The following NT5DC1 variants were observed in gnomAD, a reference collection of about 807,000 sequenced individuals.
NT5DC1 encodes 5'-nucleotidase domain containing 1.
A neutral mutation model predicts 59.4 loss-of-function variants in NT5DC1; 42 were observed. That is an observed-to-expected ratio of 0.71 (90% CI 0.55 to 0.92). The LOEUF (loss-of-function observed/expected upper bound fraction) is 0.92. NT5DC1 is among the 40% of genes least tolerant of loss of function. The pLI, the probability that NT5DC1 is intolerant of heterozygous loss-of-function variation, is 0.00. For synonymous variants in NT5DC1, 172 were observed against 188.1 expected (o/e 0.91, Z 0.70); for missense variants, 501 against 537.1 (o/e 0.93, Z 0.66).
At chr6:116,167,451 A>G (rs1180319917) in intron 6 of NT5DC1, among the ~76,000 whole-genome samples, 2 of 151,994 alleles carry the variant, frequency 1.3e-5, no homozygotes, top group African/African-American at 2.4e-5. Context: ...TGGCCTTGTG[A>G]TCCACTTGCC....
At chr6:116,220,709 A>C (rs1401134426) in intron 6 of NT5DC1, among the ~76,000 whole-genome samples, 1 of 152,240 alleles carries the variant, frequency 6.6e-6, no homozygotes, top group Non-Finnish European at 1.5e-5. Context: ...AATAATTAAA[A>C]GAGTATTTGT....
intron 11 of NT5DC1, among the ~76,000 whole-genome samples, chr6:116,241,954 A>T (rs1258085241): frequency 2.1e-5 from 3 of 145,064 alleles, no homozygotes; most frequent in African/African-American, 7.9e-5. Flanking sequence ...CAAAAAAAAA[A>T]AAAAACAAAG....
chr6:116,120,410 A>G lies in NT5DC1; in HGVS notation c.529+2465A>G, dbSNP rs766632988. The G allele has an allele frequency of 4.8e-5, 78 of 1,614,114 alleles. No individual in the cohort carries two copies. The highest frequency in any genetic ancestry group is 6.2e-5 in the Non-Finnish European group (73 of 1,180,040). ...GTTATACAAAATTTTATCAAATGGT[A>G]TGGGAGTTCCTATTGCTGGGTAAGC... is the stretch of plus-strand genomic sequence containing the variant. On this transcript the variant is annotated intron_variant, in intron 6 of 11. Coordinates refer to ENST00000319550, the MANE Select transcript of NT5DC1 (RefSeq NM_152729.3).
intron 6 of NT5DC1, among the ~76,000 whole-genome samples, chr6:116,179,038 A>G (rs1391886446): frequency 6.6e-6 from 1 of 152,156 alleles, no homozygotes; most frequent in African/African-American, 2.4e-5. Flanking sequence ...AAAATAGTCA[A>G]AGTAAGTTTG....
At chr6:116,163,354 G>T (rs187030408) in intron 6 of NT5DC1, among the ~76,000 whole-genome samples, 94 of 151,610 alleles carry the variant, frequency 6.2e-4, no homozygotes, top group Middle Eastern at 3.4e-3. Flanking sequence ...AATCTGGGAG[G>T]TTGTATGTTT....
chr6:116,241,233 A>G (rs1771710140), intron 11 of NT5DC1, among the ~76,000 whole-genome samples: 1 of 152,156 alleles, frequency 6.6e-6, no homozygotes, highest in African/African-American at 2.4e-5. Flanking sequence ...AATAAAGATT[A>G]TTATTCTCCA....
At chr6:116,204,091 C>T (rs1282173807) in intron 6 of NT5DC1, among the ~76,000 whole-genome samples, 1 of 151,724 alleles carries the variant, frequency 6.6e-6, no homozygotes, top group East Asian at 1.9e-4. Context: ...GGAATTTGGT[C>T]CTGCAGTGAA....
intron 6 of NT5DC1, among the ~76,000 whole-genome samples, chr6:116,218,151 T>C (rs1781721433): frequency 6.6e-6 from 1 of 152,160 alleles, no homozygotes; most frequent in Non-Finnish European, 1.5e-5. Flanking sequence ...TTGGTACTCT[T>C]TTGAATCAGA....
chr6:116,133,976 T>TA (rs1779529390), intron 6 of NT5DC1, among the ~76,000 whole-genome samples: 1 of 152,254 alleles, frequency 6.6e-6, no homozygotes, highest in Non-Finnish European at 1.5e-5. Context: ...CTATCTTTAA[T>TA]AACTTATGAG....
intron 5 of NT5DC1, among the ~76,000 whole-genome samples, chr6:116,115,982 A>G (rs1052710471): frequency 2.0e-5 from 3 of 152,066 alleles, no homozygotes; most frequent in Admixed American, 6.5e-5. Context: ...GGAAAAATAA[A>G]CCTATTCTCC....
chr6:116,176,832 C>G (rs1780745140), intron 6 of NT5DC1, among the ~76,000 whole-genome samples: 1 of 152,162 alleles, frequency 6.6e-6, no homozygotes, highest in African/African-American at 2.4e-5. Flanking sequence ...CATCCCAAGT[C>G]TATTTTCCTC....
At chr6:116,108,849 C>T (rs896287812) in intron 3 of NT5DC1, among the ~76,000 whole-genome samples, 3 of 151,856 alleles carry the variant, frequency 2.0e-5, no homozygotes, top group Admixed American at 6.6e-5. Context: ...TACCCACCAC[C>T]CTCTCTTTCT....
chr6:116,182,201 G>A (rs1420361101), intron 6 of NT5DC1, among the ~76,000 whole-genome samples: 1 of 137,230 alleles, frequency 7.3e-6, no homozygotes, highest in African/African-American at 2.8e-5. Context: ...TCTTTTTATG[G>A]CTGAGTAGTA....
chr6:116,124,596 A>G (rs1002174507), intron 6 of NT5DC1, among the ~76,000 whole-genome samples: 5 of 152,212 alleles, frequency 3.3e-5, no homozygotes, highest in Admixed American at 6.5e-5. Context: ...AAGTAATAGC[A>G]ACACTTAAAG....
chr6:116,223,518 C>T (rs1341900109), intron 8 of NT5DC1, among the ~76,000 whole-genome samples: 2 of 152,110 alleles, frequency 1.3e-5, no homozygotes, highest in African/African-American at 4.8e-5. Context: ...CAAGGCCTTC[C>T]TGAAAGGTTA....
intron 11 of NT5DC1, among the ~76,000 whole-genome samples, chr6:116,243,011 A>C (rs1244971395): frequency 6.6e-6 from 1 of 152,170 alleles, no homozygotes; most frequent in Non-Finnish European, 1.5e-5. Context: ...CCTTCCCAAG[A>C]ATTGTGCCTC....
intron 7 of NT5DC1, among the ~76,000 whole-genome samples, chr6:116,222,356 A>G (rs1323413429): frequency 6.6e-6 from 1 of 152,098 alleles, no homozygotes; most frequent in Non-Finnish European, 1.5e-5. Flanking sequence ...ATTTCTATGT[A>G]TTGCTGTTTG....
At chr6:116,229,787 T>C (rs1203920851) in intron 8 of NT5DC1, among the ~76,000 whole-genome samples, 3 of 152,074 alleles carry the variant, frequency 2.0e-5, no homozygotes, top group African/African-American at 7.2e-5. Flanking sequence ...ACTCTCTCTG[T>C]CTCTCCTCTC....
chr6:116,123,891 A>G (rs1562126488), intron 6 of NT5DC1, among the ~76,000 whole-genome samples: 1 of 152,198 alleles, frequency 6.6e-6, no homozygotes, highest in Non-Finnish European at 1.5e-5. Context: ...TTTCTTTTTA[A>G]TTCAAGACTT....
Sources: gnomAD v4.1 joint callset for allele counts (sites outside exome capture counted in the v4.1 genomes callset) on GRCh38, gnomAD v4.1.1 for gene constraint, MANE v1.5 for transcripts, NCBI Gene and HGNC (gene_info 2026-07-23, HGNC 2026-07-21) for gene names.